The following FAM107B variants were observed in gnomAD, a reference collection of about 807,000 sequenced individuals.
FAM107B encodes the protein family with sequence similarity 107 member B, also known as protein FAM107B.
A neutral mutation model predicts 31.5 loss-of-function variants in FAM107B; 21 were observed. That is an observed-to-expected ratio of 0.67 (90% confidence interval 0.47 to 0.96). The LOEUF (loss-of-function observed/expected upper bound fraction) is 0.96, where lower values mean the gene tolerates loss of function less well. Among genes scored for constraint, FAM107B ranks in the 40% least tolerant of loss-of-function variants. The pLI is 0.00. For missense variants in FAM107B, 452 were observed against 377.1 expected, an observed-to-expected ratio of 1.20 and a Z score of -1.64; for synonymous variants, 157 against 141.5, an observed-to-expected ratio of 1.11 and a Z score of -0.78.
At chr10:14,563,963 AC>A (rs1850450503) in intron 2 of FAM107B, among the ~76,000 whole-genome samples, 1 of 138,762 alleles carries the variant, frequency 7.2e-6, no homozygotes, top group South Asian at 2.2e-4. Flanking sequence ...TTCATCTCAT[AC>A]TTTTTTTTGT....
chr10:14,530,546 G>C, intron 2 of FAM107B, 31 bp from the exon 3 acceptor site: 1 of 1,604,600 alleles, frequency 6.2e-7, no homozygotes, highest in Non-Finnish European at 8.5e-7. Flanking sequence ...ACACTCATTT[G>C]CAGTTTTTGC....
chr10:14,540,510 C>G (rs900516065), intron 2 of FAM107B, among the ~76,000 whole-genome samples: 1 of 152,172 alleles, frequency 6.6e-6, no homozygotes, highest in Non-Finnish European at 1.5e-5. Flanking sequence ...CTTGCTGATG[C>G]GAAGGCAGCC....
At chr10:14,672,075 TTTTC>T (rs1406679308) in intron 1 of FAM107B, among the ~76,000 whole-genome samples, 8 of 139,028 alleles carry the variant, frequency 5.8e-5, no homozygotes, top group Non-Finnish European at 9.2e-5. Flanking sequence ...TCATGAGTTT[TTTTC>T]TTTCTTTTTA....
In FAM107B at chr10:14,628,437, C is replaced by T. The variant is rs137891185; in HGVS notation, c.469+39197G>A. Among the ~76,000 whole-genome samples the T allele has an allele frequency of 2.6e-3, 389 of 152,182 alleles. 1 individual carries two copies. The highest frequency in any genetic ancestry group is 8.7e-3 in the African/African-American group (361 of 41,528). Reference sequence around the variant, plus strand: ...CCGGCCCATAGCTCTATCTTTCCTACCCAGATGGGTCTTTCCAGTTTATGT... The same window carrying T: ...CCGGCCCATAGCTCTATCTTTCCTATCCAGATGGGTCTTTCCAGTTTATGT... On this transcript the variant is annotated intron_variant, in intron 2 of 4. Coordinates refer to ENST00000181796, the MANE Select transcript of FAM107B (RefSeq NM_031453.4).
chr10:14,522,563 G>A (rs1054254045), intron 3 of FAM107B, among the ~76,000 whole-genome samples: 2 of 152,008 alleles, frequency 1.3e-5, no homozygotes, highest in African/African-American at 2.4e-5. Flanking sequence ...TTACAGGCGT[G>A]CACCACCACG....
intron 2 of FAM107B, chr10:14,604,121 A>AC: frequency 4.7e-5 from 8 of 169,366 alleles, no homozygotes; most frequent in Non-Finnish European, 7.8e-5. Context: ...GGGACCCCCC[A>AC]CCCGCCCGGC....
intron 2 of FAM107B, among the ~76,000 whole-genome samples, chr10:14,557,665 C>A (rs1564563867): frequency 6.6e-6 from 1 of 152,254 alleles, no homozygotes; most frequent in Non-Finnish European, 1.5e-5. Flanking sequence ...GAAGTGCTTA[C>A]TGCATCCCAG....
chr10:14,691,322 G>A (rs971691929), intron 1 of FAM107B, among the ~76,000 whole-genome samples: 1 of 152,208 alleles, frequency 6.6e-6, no homozygotes, highest in Non-Finnish European at 1.5e-5. Flanking sequence ...GTCCTGCAGA[G>A]TCCATGTCTC....
intron 1 of FAM107B, among the ~76,000 whole-genome samples, chr10:14,711,917 T>A (rs868805647): frequency 7.2e-5 from 11 of 152,216 alleles, no homozygotes; most frequent in African/African-American, 2.7e-4. Flanking sequence ...GTGCTGGGAT[T>A]ACAGGTGTGC....
chr10:14,555,065 CA>C (rs1410550446), intron 2 of FAM107B, among the ~76,000 whole-genome samples: 1 of 152,196 alleles, frequency 6.6e-6, no homozygotes, highest in African/African-American at 2.4e-5. Flanking sequence ...TAGTCATAAG[CA>C]GTTGAGCTCT....
rs1323925742 is a variant in FAM107B at position 14,604,330 on chromosome 10, CCGAGGCGGCG to C, written c.469+63294_469+63303del. 156 of 913,842 alleles carry C rather than the reference CCGAGGCGGCG, an allele frequency of 1.7e-4. 1 individual carries two copies. The Middle Eastern group carries it at 7.9e-3, about 46-fold the overall frequency. 56.6% of individuals were successfully genotyped at this position (913,842 alleles called of 1,614,324 possible). ...AGCGGCCCGACTGCTCGGCGGCGGC[CCGAGGCGGCG>C]CGAGGGCGGCTCCGGGGGCGGCGGC... On this transcript the variant is annotated intron_variant, in intron 2 of 4. Transcript: ENST00000181796.
intron 2 of FAM107B, among the ~76,000 whole-genome samples, chr10:14,601,459 T>A (rs928978723): frequency 6.6e-6 from 1 of 152,062 alleles, no homozygotes; most frequent in Admixed American, 6.6e-5. Flanking sequence ...AAATAGGCCA[T>A]GATTAGACAA....
chr10:14,633,697 A>G (rs745332269), intron 2 of FAM107B, among the ~76,000 whole-genome samples: 5 of 152,206 alleles, frequency 3.3e-5, no homozygotes, highest in Non-Finnish European at 7.4e-5. Flanking sequence ...AATAAAACAT[A>G]AACAAATCCC....
At chr10:14,632,304 CAAAAAAAAAAAAA>C (rs60289509) in intron 2 of FAM107B, among the ~76,000 whole-genome samples, 3 of 56,586 alleles carry the variant, frequency 5.3e-5, no homozygotes, top group African/African-American at 2.3e-4. Context: ...GACTCTGTCT[CAAAAAAAAAAAAA>C]AAAAAAAAAA....
chr10:14,591,615 A>G (rs913161864), intron 2 of FAM107B, among the ~76,000 whole-genome samples: 4 of 152,204 alleles, frequency 2.6e-5, no homozygotes, highest in African/African-American at 9.6e-5. Flanking sequence ...GATGAATGCT[A>G]ACGGCATTGG....
chr10:14,722,154 C>T (rs1053794983), intron 1 of FAM107B, among the ~76,000 whole-genome samples: 10 of 152,206 alleles, frequency 6.6e-5, no homozygotes, highest in African/African-American at 1.4e-4. Flanking sequence ...ATTTTCATTA[C>T]TCTAAAAAGA....
chr10:14,772,010 T>C (rs750752688), intron 1 of FAM107B, among the ~76,000 whole-genome samples: 2 of 152,156 alleles, frequency 1.3e-5, no homozygotes, highest in African/African-American at 2.4e-5. Context: ...CTTGGGCAAA[T>C]GTCTTACCCT....
chr10:14,613,852 T>G (rs1336239843), intron 2 of FAM107B, among the ~76,000 whole-genome samples: 4 of 152,154 alleles, frequency 2.6e-5, no homozygotes, highest in African/African-American at 9.7e-5. Flanking sequence ...CAAAGTCAGC[T>G]GGGGGCAGTG....
At chr10:14,645,545 T>C (rs556335277) in intron 2 of FAM107B, among the ~76,000 whole-genome samples, 3 of 152,316 alleles carry the variant, frequency 2.0e-5, no homozygotes, top group African/African-American at 7.2e-5. Flanking sequence ...ACTGTGATTG[T>C]AACTGAGCAC....
Sources: allele counts gnomAD v4.1 joint callset (sites outside exome capture counted in the v4.1 genomes callset), GRCh38; gene constraint gnomAD v4.1.1; transcripts MANE v1.5; gene names NCBI Gene and HGNC (gene_info 2026-07-23, HGNC 2026-07-21).